Variants in VIRMA observed in about 807,000 individuals in gnomAD.
The protein encoded by VIRMA is vir like m6A methyltransferase associated, also known as protein virilizer homolog.
VIRMA carries 65 observed loss-of-function variants against 182.4 expected under a neutral mutation model. That is an observed-to-expected ratio of 0.36 (90% CI 0.29 to 0.44). The LOEUF (loss-of-function observed/expected upper bound fraction) is 0.44. Ranked by LOEUF, VIRMA falls within the 20% of genes least tolerant of loss-of-function variation. The pLI, the probability that VIRMA is intolerant of heterozygous loss-of-function variation, is 1.00. For synonymous variants in VIRMA, 709 were observed against 743.1 expected, an observed-to-expected ratio of 0.95 and a Z score of 0.75; for missense variants, 1,752 against 2,158.1, an observed-to-expected ratio of 0.81 and a Z score of 3.73.
In VIRMA at chr8:94,500,972, G is replaced by A. The variant is rs981773380; in HGVS notation, c.4098-1466C>T. ...TTAAAAAATCAACAAGGGGTTGGGC[G>A]CAGTGGCTCATGACTGTAATCCCAG... On this transcript the variant is annotated intron_variant, in intron 16 of 23. Coordinates refer to ENST00000297591, the MANE Select transcript of VIRMA (RefSeq NM_015496.5). Among the ~76,000 whole-genome samples, 155 of 152,126 alleles carry A rather than the reference G, an allele frequency of 1.0e-3. 1 individual carries two copies. Among genetic ancestry groups the A allele is most frequent in the Non-Finnish European group, 8.8e-5 (6 of 67,970 alleles).
chr8:94,498,226 C>T (rs1368865084), intron 17 of VIRMA: 1 of 152,152 alleles, frequency 6.6e-6, no homozygotes, highest in Non-Finnish European at 1.5e-5. Flanking sequence ...TATACCATGA[C>T]TTTGGAAAAT....
chr8:94,496,588 T>A (rs1813786531), intron 17 of VIRMA, 108 bp from the exon 18 acceptor site: 8 of 885,222 alleles, frequency 9.0e-6, no homozygotes, highest in Non-Finnish European at 1.0e-5. Flanking sequence ...TCCTTCAATG[T>A]TTTCATTTTT....
chr8:94,528,116 C>T (rs551056686), intron 7 of VIRMA, among the ~76,000 whole-genome samples: 2 of 151,642 alleles, frequency 1.3e-5, no homozygotes, highest in African/African-American at 2.4e-5. Context: ...TGCCTGTAAG[C>T]CCAGCTACTC....
intron 15 of VIRMA, among the ~76,000 whole-genome samples, chr8:94,509,226 C>T (rs1485204532): frequency 6.6e-6 from 1 of 152,028 alleles, no homozygotes; most frequent in East Asian, 1.9e-4. Context: ...CACGGTGAAA[C>T]CCTGTCTCTA....
chr8:94,503,522 C>T (rs940928139), intron 16 of VIRMA, among the ~76,000 whole-genome samples: 2 of 151,932 alleles, frequency 1.3e-5, no homozygotes, highest in African/African-American at 2.4e-5. Flanking sequence ...ATGTCAAGGT[C>T]ATGAAAGATA....
intron 16 of VIRMA, among the ~76,000 whole-genome samples, chr8:94,501,705 C>T (rs948139525): frequency 6.6e-6 from 1 of 152,100 alleles, no homozygotes; most frequent in African/African-American, 2.4e-5. Flanking sequence ...CACCTATAAT[C>T]CCAGCATTTT....
At chr8:94,522,412 G>C (rs944686603) in intron 8 of VIRMA, among the ~76,000 whole-genome samples, 1 of 152,116 alleles carries the variant, frequency 6.6e-6, no homozygotes, top group African/African-American at 2.4e-5. Flanking sequence ...ATTATATGCT[G>C]AGTTTTGTGA....
intron 11 of VIRMA, among the ~76,000 whole-genome samples, chr8:94,513,569 T>C (rs1306199707): frequency 6.6e-6 from 1 of 152,112 alleles, no homozygotes; most frequent in Non-Finnish European, 1.5e-5. Flanking sequence ...TTATAGACCA[T>C]GTTGGGATGA....
chr8:94,545,977 T>A (rs1815744278), intron 1 of VIRMA, among the ~76,000 whole-genome samples: 1 of 150,984 alleles, frequency 6.6e-6, no homozygotes. Context: ...GGATCACTTA[T>A]GCCCAGGAGG....
At chr8:94,544,596 G>C (rs911566837) in intron 1 of VIRMA, among the ~76,000 whole-genome samples, 1 of 149,218 alleles carries the variant, frequency 6.7e-6, no homozygotes, top group African/African-American at 2.5e-5. Flanking sequence ...GGGAGGCAGA[G>C]CTTGCAGTGT....
chr8:94,540,607 A>ACG (rs1815515047), intron 2 of VIRMA, among the ~76,000 whole-genome samples: 1 of 151,686 alleles, frequency 6.6e-6, no homozygotes, highest in African/African-American at 2.4e-5. Flanking sequence ...GACTACAGGC[A>ACG]CGCGCCACCA....
chr8:94,499,606 C>T lies in VIRMA; in HGVS notation c.4098-100G>A, dbSNP rs1813897983. Reference sequence around the variant, plus strand: ...CACTTCAGACAGAATAAAACTTACTCCATCATTTTTAAAAATGCTAAGAAG... The same window carrying T: ...CACTTCAGACAGAATAAAACTTACTTCATCATTTTTAAAAATGCTAAGAAG... On this transcript the variant is annotated intron_variant, in intron 16 of 23. Coordinates refer to ENST00000297591, the MANE Select transcript of VIRMA (RefSeq NM_015496.5). 21 of 802,770 alleles carry T rather than the reference C, an allele frequency of 2.6e-5. No individual in the cohort carries two copies. In the South Asian group the frequency reaches 5.5e-4, roughly 21 times the overall value. 49.7% of individuals were successfully genotyped at this position (802,770 alleles called of 1,614,324 possible).
chr8:94,513,875 T>C (rs537238310), intron 11 of VIRMA, among the ~76,000 whole-genome samples: 11 of 152,274 alleles, frequency 7.2e-5, no homozygotes, highest in African/African-American at 2.6e-4. Context: ...CGGAAGAATA[T>C]GATGGCACCA....
chr8:94,550,852 G>T (rs1437782568), intron 1 of VIRMA, among the ~76,000 whole-genome samples: 1 of 152,092 alleles, frequency 6.6e-6, no homozygotes, highest in Non-Finnish European at 1.5e-5. Context: ...CCGAGTAGCT[G>T]GGACTATAGA....
At position 94,490,031 on chromosome 8, in the gene VIRMA, T is replaced by A; in HGVS notation, c.5192A>T (p.Asn1731Ile). ...TTCATTGTAATTTCCTCGAGGAGTATTCTGAGCACTCCAACTGGAGCCTCT... is the reference window on the plus strand; with the variant it reads ...TTCATTGTAATTTCCTCGAGGAGTAATCTGAGCACTCCAACTGGAGCCTCT... ...GTRGSSWSAQ[N>I]TPRGNYNESR... The change falls in exon 23 of 24, where the codon AAT (asparagine) becomes ATT (isoleucine). Residue 1731 changes from asparagine (N) to isoleucine (I), a missense_variant. This residue lies in a region of VIRMA where 132 missense variants were observed against 173.8 expected (regional missense o/e 0.76). Transcript: ENST00000297591. 1 of 1,614,142 alleles carries A rather than the reference T, an allele frequency of 6.2e-7. No homozygotes were observed. Among genetic ancestry groups the A allele is most frequent in the South Asian group, 1.1e-5 (1 of 91,074 alleles).
intron 23 of VIRMA, among the ~76,000 whole-genome samples, chr8:94,489,686 T>C (rs1333797007): frequency 6.6e-6 from 1 of 152,076 alleles, no homozygotes; most frequent in Non-Finnish European, 1.5e-5. Context: ...TGTAACACAT[T>C]ATATAATATA....
chr8:94,541,604 C>G (rs556593384), intron 2 of VIRMA, among the ~76,000 whole-genome samples: 1 of 151,762 alleles, frequency 6.6e-6, no homozygotes, highest in African/African-American at 2.4e-5. Context: ...TGCAGTGGTG[C>G]GATCTCAGAT....
In VIRMA at chr8:94,519,378, A is replaced by G. The variant is rs1023035226; in HGVS notation, c.2120T>C (p.Val707Ala). Reference protein sequence around the residue: ...HPGVLQATKDVLKFLAQSQKG... With the variant: ...HPGVLQATKDALKFLAQSQKG... ...CTGTGACTGTGCAAGAAACTTCAAA[A>G]CATCTTTTGTGGCTTGCAGCACACC... Residue 707 changes from valine (V) to alanine (A), a missense_variant, in exon 9 of 24, where the codon GTT (valine) becomes GCT (alanine). By Grantham distance (64) the Val-to-Ala change is moderately conservative. This residue lies in a region of VIRMA where 401 missense variants were observed against 455.1 expected (regional missense o/e 0.88). Transcript: ENST00000297591. 1 of 1,572,740 alleles carries G rather than the reference A, an allele frequency of 6.4e-7. No homozygotes were observed. Among genetic ancestry groups the G allele is most frequent in the Non-Finnish European group, 8.6e-7 (1 of 1,164,182 alleles).
intron 8 of VIRMA, among the ~76,000 whole-genome samples, chr8:94,520,681 A>G (rs1349944277): frequency 6.6e-6 from 1 of 152,240 alleles, no homozygotes; most frequent in African/African-American, 2.4e-5. Context: ...TTATATGCAA[A>G]TACTACATCA....
Sources: allele counts gnomAD v4.1 joint callset (sites outside exome capture counted in the v4.1 genomes callset), GRCh38; gene constraint gnomAD v4.1.1; regional missense constraint gnomAD v4.1.1; transcripts MANE v1.5; gene names NCBI Gene and HGNC (gene_info 2026-07-23, HGNC 2026-07-21).